Variants in MOB3B observed in about 807,000 individuals in gnomAD.
The protein encoded by MOB3B is MOB kinase activator-like 2B.
A neutral mutation model predicts 18.7 loss-of-function variants in MOB3B; 7 were observed. That is an observed-to-expected ratio of 0.37 (90% CI 0.21 to 0.70). The LOEUF (loss-of-function observed/expected upper bound fraction) is 0.70. MOB3B is among the 30% of genes least tolerant of loss of function. MOB3B has a pLI of 0.52. For synonymous variants in MOB3B, 111 were observed against 99.9 expected (o/e 1.11, Z -0.66); for missense variants, 253 against 281.3 (o/e 0.90, Z 0.72).
At chr9:27,394,459 T>C (rs78255146) in intron 2 of MOB3B, among the ~76,000 whole-genome samples, 11,707 of 152,110 alleles carry the variant, frequency 0.077, 525 homozygotes, top group South Asian at 0.12. Flanking sequence ...AGCAGAGGCC[T>C]AGAGTTCCAA....
intron 3 of MOB3B, among the ~76,000 whole-genome samples, chr9:27,333,624 T>A (rs1017384541): frequency 8.5e-5 from 13 of 152,328 alleles, no homozygotes; most frequent in Non-Finnish European, 1.6e-4. Context: ...TCTGAGAAAG[T>A]TCCTGGTGAC....
At chr9:27,350,837 T>C (rs1370756117) in intron 3 of MOB3B, among the ~76,000 whole-genome samples, 1 of 151,616 alleles carries the variant, frequency 6.6e-6, no homozygotes, top group Non-Finnish European at 1.5e-5. Context: ...GCCCCATGAA[T>C]GCACACTCCA....
intron 2 of MOB3B, among the ~76,000 whole-genome samples, chr9:27,425,904 G>T (rs1332469216): frequency 1.3e-5 from 2 of 152,184 alleles, no homozygotes; most frequent in African/African-American, 4.8e-5. Flanking sequence ...GACTGGAAAA[G>T]TCATAGGTAA....
chr9:27,439,437 A>G (rs1338320424), intron 2 of MOB3B, among the ~76,000 whole-genome samples: 1 of 152,212 alleles, frequency 6.6e-6, no homozygotes, highest in East Asian at 1.9e-4. Context: ...AACATTCACC[A>G]TAAACACAAA....
rs550934497 is a variant in MOB3B at position 27,373,091 on chromosome 9, G to A, written c.419-13855C>T. 2.9e-4 allele frequency among the ~76,000 whole-genome samples: 44 copies of A among 152,356 alleles called. No homozygotes were observed. In the South Asian group the frequency reaches 8.5e-3, roughly 29 times the overall value. On this transcript the variant is annotated intron_variant, in intron 2 of 3. Transcript: ENST00000262244. ...GGCTCCAGAGGCCATGAGTTTGTACGTTTTGATTTACGCACTAACATTTCT... is the reference window on the plus strand; with the variant it reads ...GGCTCCAGAGGCCATGAGTTTGTACATTTTGATTTACGCACTAACATTTCT...
At chr9:27,515,691 C>G (rs1389719818) in intron 1 of MOB3B, among the ~76,000 whole-genome samples, 2 of 152,302 alleles carry the variant, frequency 1.3e-5, no homozygotes, top group South Asian at 2.1e-4. Context: ...TACCACATTT[C>G]TCTCTAACAA....
At position 27,340,840 on chromosome 9, in the gene MOB3B, C is replaced by T. The variant is rs77820509; in HGVS notation, c.622-10224G>A. ...TGTTACCCAACTTCTCCAGAGCCCC[C>T]ATGGAGGTCTGCACAGTTGGCAGGA... On this transcript the variant is annotated intron_variant, in intron 3 of 3. Transcript: ENST00000262244. Among the ~76,000 whole-genome samples the T allele has an allele frequency of 9.5e-3, 1,445 of 152,354 alleles. 23 individuals carry two copies. The highest frequency in any genetic ancestry group is 0.033 in the African/African-American group (1,373 of 41,572).
At chr9:27,469,627 C>T (rs1037375726) in intron 1 of MOB3B, among the ~76,000 whole-genome samples, 5 of 152,146 alleles carry the variant, frequency 3.3e-5, no homozygotes, top group Admixed American at 1.3e-4. Flanking sequence ...AAACAAACAG[C>T]TAGTGCCCAG....
intron 1 of MOB3B, among the ~76,000 whole-genome samples, chr9:27,516,447 G>A (rs1820235763): frequency 6.6e-6 from 1 of 152,130 alleles, no homozygotes; most frequent in African/African-American, 2.4e-5. Flanking sequence ...ACTCTTCAAT[G>A]AATTAATTCT....
intron 2 of MOB3B, among the ~76,000 whole-genome samples, chr9:27,453,929 C>T (rs1276616074): frequency 6.6e-6 from 1 of 152,050 alleles, no homozygotes; most frequent in Non-Finnish European, 1.5e-5. Context: ...TTGAAACCTG[C>T]CTTCTTCCTC....
At chr9:27,343,862 G>T (rs867355418) in intron 3 of MOB3B, among the ~76,000 whole-genome samples, 11 of 151,976 alleles carry the variant, frequency 7.2e-5, no homozygotes, top group African/African-American at 2.7e-4. Context: ...TTTACTTCAC[G>T]TAATTTTTGT....
chr9:27,446,540 A>T (rs1315922814), intron 2 of MOB3B, among the ~76,000 whole-genome samples: 1 of 152,214 alleles, frequency 6.6e-6, no homozygotes, highest in African/African-American at 2.4e-5. Flanking sequence ...TGAAGGGAAC[A>T]TGGATGATCA....
At chr9:27,355,987 G>A (rs1821184507) in intron 3 of MOB3B, among the ~76,000 whole-genome samples, 1 of 152,134 alleles carries the variant, frequency 6.6e-6, no homozygotes, top group Non-Finnish European at 1.5e-5. Flanking sequence ...GTCAACTGTT[G>A]AAATGGTCAT....
chr9:27,416,708 G>GT (rs753120961), intron 2 of MOB3B, among the ~76,000 whole-genome samples: 26 of 140,172 alleles, frequency 1.9e-4, no homozygotes, highest in Non-Finnish European at 3.3e-4. Flanking sequence ...CAATTTTTAA[G>GT]TTTTTTTTGT....
chr9:27,464,241 T>C (rs1017376439), intron 1 of MOB3B, among the ~76,000 whole-genome samples: 3 of 152,102 alleles, frequency 2.0e-5, no homozygotes, highest in African/African-American at 7.2e-5. Context: ...ACGGTGGCAA[T>C]GGAAGCCCTG....
In MOB3B at chr9:27,492,502, A is replaced by C. The variant is rs541048217; in HGVS notation, c.-198-36754T>G. On this transcript the variant is annotated intron_variant, in intron 1 of 3. Transcript: ENST00000262244. ...GCGAAATGCTGCCCAAGTGACTCTC[A>C]AGATGAGGTCTACCTAAAGGTTTTC... Among the ~76,000 whole-genome samples the C allele has an allele frequency of 5.9e-5, 9 of 152,192 alleles. No individual in the cohort carries two copies. The East Asian group carries it at 1.7e-3, about 29-fold the overall frequency.
intron 2 of MOB3B, among the ~76,000 whole-genome samples, chr9:27,413,445 C>T (rs1395051563): frequency 6.6e-6 from 1 of 152,046 alleles, no homozygotes; most frequent in Non-Finnish European, 1.5e-5. Flanking sequence ...TGAATAAGTT[C>T]TTTAAAGGGA....
Position 27,330,307 on chromosome 9 carries a change from A to G in MOB3B, c.*280T>C. The G allele has an allele frequency of 2.7e-6, 1 of 364,786 alleles. No homozygotes were observed. The highest frequency in any genetic ancestry group is 5.0e-6 in the Non-Finnish European group (1 of 201,368). 22.6% of individuals were successfully genotyped at this position (364,786 alleles called of 1,614,324 possible). On this transcript the variant is annotated 3_prime_UTR_variant, in exon 4 of 4. Coordinates refer to ENST00000262244, the MANE Select transcript of MOB3B (RefSeq NM_024761.5). Reference sequence around the variant, plus strand: ...AGAACTGTGCCATGTGTGGAAGTGCAGAGGCTTCCTCGTGGACAATTCCCC... The same window carrying G: ...AGAACTGTGCCATGTGTGGAAGTGCGGAGGCTTCCTCGTGGACAATTCCCC...
rs1478041409 is a variant in MOB3B, at chr9:27,357,133, TATATATATATATG to T, written c.621+1888_621+1900del. 1.2e-4 allele frequency among the ~76,000 whole-genome samples: 10 copies of T among 84,792 alleles called. 1 individual carries two copies. The highest frequency in any genetic ancestry group is 4.4e-4 in the African/African-American group (10 of 22,560). 55.6% of individuals were successfully genotyped at this position (84,792 alleles called of 152,430 possible). A position where few individuals can be genotyped will look rare whatever the true frequency, so the allele number is the denominator to read the frequency against. ...ACTGAGTAATGCAAATATATATATA[TATATATATATATG>T]TGTTTTTTTTTTTGCCATATATTCT... is the stretch of plus-strand genomic sequence containing the variant. On this transcript the variant is annotated intron_variant, in intron 3 of 3. Coordinates refer to ENST00000262244, the MANE Select transcript of MOB3B (RefSeq NM_024761.5).
Sources: gnomAD v4.1 joint callset for allele counts (sites outside exome capture counted in the v4.1 genomes callset) on GRCh38, gnomAD v4.1.1 for gene constraint, MANE v1.5 for transcripts, NCBI Gene and HGNC (gene_info 2026-07-23, HGNC 2026-07-21) for gene names.